IQCF1: variants seen among roughly 807,000 people sequenced by gnomAD.
IQCF1 encodes IQ motif containing F1.
IQCF1 carries 9 observed loss-of-function variants against 12.5 expected under a neutral mutation model. The ratio of observed to expected loss-of-function variants is 0.72; its 90% CI spans 0.43 to 1.26. The LOEUF is 1.26. Among genes scored for constraint, IQCF1 ranks in the 50% most tolerant of loss-of-function variants. IQCF1 has a pLI of 0.00. For synonymous variants in IQCF1, 67 were observed against 96.2 expected (o/e 0.70, Z 1.78); for missense variants, 252 against 257.4 (o/e 0.98, Z 0.14).
chr3:51,902,138 T>C (rs1012935928), intron 2 of IQCF1, among the ~76,000 whole-genome samples: 23 of 152,214 alleles, frequency 1.5e-4, no homozygotes, highest in Admixed American at 5.9e-4. Flanking sequence ...CAATTCTCAC[T>C]TCCCTGGCAG....
chr3:51,897,987 A>G (rs1699031332), intron 2 of IQCF1, among the ~76,000 whole-genome samples: 1 of 152,186 alleles, frequency 6.6e-6, no homozygotes, highest in African/African-American at 2.4e-5. Context: ...CCTTCTACAA[A>G]TTTCAGGGGG....
chr3:51,899,157 A>C (rs1008259106), intron 2 of IQCF1, among the ~76,000 whole-genome samples: 2 of 151,952 alleles, frequency 1.3e-5, no homozygotes, highest in African/African-American at 4.8e-5. Context: ...GCATGAAGGA[A>C]GTTCACATTG....
At chr3:51,902,916 A>G (rs992496799) in intron 2 of IQCF1, 69 bp downstream of exon 2, 10 of 1,150,224 alleles carry the variant, frequency 8.7e-6, no homozygotes, top group African/African-American at 3.0e-5. Flanking sequence ...TAACAGCACC[A>G]TGCAAAAGAC....
In IQCF1 at chr3:51,895,008, C is replaced by G. The variant is rs1031585717; in HGVS notation, c.500G>C (p.Gly167Ala). Residue 167 changes from glycine to alanine, a missense_variant, in exon 4 of 4, where the codon GGG (glycine) becomes GCG (alanine). Transcript: ENST00000310914. This position sits in a 1 kb window ranked among gnomAD's most constrained non-coding sequence, Gnocchi z 4.8. Reference sequence around the variant, plus strand: ...GACTCTGTACTGGCCCTTGATGAACCCCCGGGAAGCACAGGAGCGGCACCT... The same window carrying G: ...GACTCTGTACTGGCCCTTGATGAACGCCCGGGAAGCACAGGAGCGGCACCT... ...YWRCRSCASR[G>A]FIKGQYRVTA... 1.2e-6 allele frequency: 2 copies of G among 1,614,192 alleles called. No individual in the cohort carries two copies. The highest frequency in any genetic ancestry group is 1.7e-6 in the Non-Finnish European group (2 of 1,180,038).
In IQCF1 at chr3:51,903,293, G is replaced by A. The variant is rs754139239; in HGVS notation, c.-21C>T. On this transcript the variant is annotated 5_prime_UTR_variant, in exon 1 of 4. Transcript: ENST00000310914. ...ACCATTGGTCACATATGGATTGATT[G>A]TAGATGGTTCAAATCCCCTCACATC... The A allele has an allele frequency of 1.2e-6, 2 of 1,613,704 alleles. No individual in the cohort carries two copies. The highest frequency in any genetic ancestry group is 1.7e-5 in the Admixed American group (1 of 60,008).
Position 51,895,297 on chromosome 3 carries a change from C to T in IQCF1, c.211G>A (p.Val71Ile). 5 of 1,613,444 alleles carry T rather than the reference C, an allele frequency of 3.1e-6. No individual in the cohort carries two copies. Among genetic ancestry groups the T allele is most frequent in the South Asian group, 1.1e-5 (1 of 90,978 alleles). ...CACCAGGCCTGGATCTTGGTGGCTACCGTATCTTTGTCAGAGAGCTTCTTT... is the reference window on the plus strand; with the variant it reads ...CACCAGGCCTGGATCTTGGTGGCTATCGTATCTTTGTCAGAGAGCTTCTTT... Reference protein sequence around the residue: ...NQKKLSDKDTVATKIQAWWRG... With the variant: ...NQKKLSDKDTIATKIQAWWRG... Residue 71 changes from valine to isoleucine, a missense_variant, in exon 4 of 4, where the codon GTA becomes ATA. By Grantham distance (29) the Val-to-Ile change is conservative (BLOSUM62 3). Coordinates refer to ENST00000310914, the MANE Select transcript of IQCF1 (RefSeq NM_152397.3). This position sits in a 1 kb window ranked among gnomAD's most constrained non-coding sequence, Gnocchi z 4.8.
At position 51,895,272 on chromosome 3, in the gene IQCF1, C is replaced by A; in HGVS notation, c.236G>T (p.Trp79Leu). 6.2e-7 allele frequency: 1 copy of A among 1,614,174 alleles called. No homozygotes were observed. Among genetic ancestry groups the A allele is most frequent in the Non-Finnish European group, 8.5e-7 (1 of 1,180,038 alleles). The change falls in exon 4 of 4, where the codon TGG becomes TTG. Residue 79 changes from tryptophan to leucine, a missense_variant. By Grantham distance (61) the Trp-to-Leu change is moderately conservative (BLOSUM62 -2). Transcript: ENST00000310914. The surrounding 1 kb of genome is among the most constrained non-coding windows in gnomAD (Gnocchi z 4.8). ...DTVATKIQAW[W>L]RGTLVRRALL... The stretch of plus-strand genomic sequence containing the variant: ...TGCCCGACGCACCAGGGTGCCCCGC[C>A]ACCAGGCCTGGATCTTGGTGGCTAC...
Position 51,896,701 on chromosome 3 carries a change from A to G in IQCF1, c.171+131T>C, listed in dbSNP as rs1699007432. 2.8e-5 allele frequency: 20 copies of G among 722,896 alleles called. 1 individual carries two copies. In the South Asian group the frequency reaches 3.0e-4, roughly 11 times the overall value. The allele number at this position is 722,896 out of a possible 1,614,324, so 44.8% of individuals were successfully genotyped here. ...CACAAGCTCAAACACGCGCGCACAC[A>G]CACACACACACGCACACACACACAC... is the stretch of plus-strand genomic sequence containing the variant. On this transcript the variant is annotated intron_variant, in intron 3 of 3. Coordinates refer to ENST00000310914, the MANE Select transcript of IQCF1 (RefSeq NM_152397.3).
At chr3:51,902,698 A>G (rs1229287598) in intron 2 of IQCF1, 2 of 387,204 alleles carry the variant, frequency 5.2e-6, no homozygotes, top group African/African-American at 4.2e-5. Context: ...GTGTGGTCTA[A>G]CCCTAGCCAA....
Position 51,900,117 on chromosome 3 carries a change from G to A in IQCF1, c.108+2868C>T, listed in dbSNP as rs138600987. Among the ~76,000 whole-genome samples the A allele has an allele frequency of 2.4e-3, 360 of 151,990 alleles. 1 individual carries two copies. The highest frequency in any genetic ancestry group is 7.7e-3 in the African/African-American group (319 of 41,420). Reference sequence around the variant, plus strand: ...CACAGGTACCACCCCTAGAATTTCCGGTAAACCAGCACCAGCCTGAAGATC... The same window carrying A: ...CACAGGTACCACCCCTAGAATTTCCAGTAAACCAGCACCAGCCTGAAGATC... On this transcript the variant is annotated intron_variant, in intron 2 of 3. Coordinates refer to ENST00000310914, the MANE Select transcript of IQCF1 (RefSeq NM_152397.3). This position sits in a 1 kb window ranked among gnomAD's most constrained non-coding sequence, Gnocchi z 4.2.
At chr3:51,901,196 T>C (rs946739147) in intron 2 of IQCF1, among the ~76,000 whole-genome samples, 2 of 152,208 alleles carry the variant, frequency 1.3e-5, no homozygotes, top group African/African-American at 2.4e-5. Flanking sequence ...CCCTTTCCAC[T>C]AGGGTGGTCC....
rs111300877 is a variant in IQCF1 at position 51,899,299 on chromosome 3, A to G, written c.109-2405T>C. ...TTGTTTAAAGAAAGGGGTGTTTGCA[A>G]CAAGTCAGAAAATTGAGGCATGTTG... On this transcript the variant is annotated intron_variant, in intron 2 of 3. Coordinates refer to ENST00000310914, the MANE Select transcript of IQCF1 (RefSeq NM_152397.3). 5.6e-4 allele frequency among the ~76,000 whole-genome samples: 85 copies of G among 152,374 alleles called. 1 individual carries two copies. Among genetic ancestry groups the G allele is most frequent in the African/African-American group, 1.9e-3 (79 of 41,586 alleles).
intron 3 of IQCF1, 27 bp downstream of exon 3, chr3:51,896,805 A>G: frequency 6.4e-7 from 1 of 1,568,266 alleles, no homozygotes; most frequent in Non-Finnish European, 8.8e-7. Flanking sequence ...CCCCAGCCCC[A>G]GCCCTGTGTG....
chr3:51,902,360 G>C (rs1185194899), intron 2 of IQCF1, among the ~76,000 whole-genome samples: 4 of 152,204 alleles, frequency 2.6e-5, no homozygotes, highest in Non-Finnish European at 5.9e-5. Context: ...GTAAGGAAAT[G>C]CAAGAGGAGA....
At chr3:51,898,638 T>C (rs1352151087) in intron 2 of IQCF1, among the ~76,000 whole-genome samples, 1 of 148,624 alleles carries the variant, frequency 6.7e-6, no homozygotes, top group Non-Finnish European at 1.5e-5. Flanking sequence ...AGCAAAAAGG[T>C]AGCTTACTGA....
At chr3:51,896,648 A>C (rs1699006427) in intron 3 of IQCF1, among the ~76,000 whole-genome samples, 184 bp downstream of exon 3, 1 of 151,878 alleles carries the variant, frequency 6.6e-6, no homozygotes, top group African/African-American at 2.4e-5. Flanking sequence ...TCACATTTTA[A>C]ATCTTAATTT....
At position 51,896,822 on chromosome 3, in the gene IQCF1, G is replaced by A. The variant is rs185472752; in HGVS notation, c.171+10C>T. The A allele has an allele frequency of 3.3e-5, 53 of 1,605,164 alleles. No individual in the cohort carries two copies. In the East Asian group the frequency reaches 8.9e-4, roughly 27 times the overall value. On this transcript the variant is annotated intron_variant, in intron 3 of 3. Transcript: ENST00000310914. ...CCAGCCCCAGCCCTGTGTGGTTTGG[G>A]AGGTCATACTTTTTCTGATTTCTCA... is the stretch of plus-strand genomic sequence containing the variant.
chr3:51,896,796 C>G (rs1699009624), intron 3 of IQCF1, 36 bp downstream of exon 3: 1 of 1,527,572 alleles, frequency 6.5e-7, no homozygotes, highest in Non-Finnish European at 9.1e-7. Flanking sequence ...CCCCCACATC[C>G]CCAGCCCCAG....
In IQCF1 at chr3:51,902,979, T is replaced by A. The variant is rs1160428529; in HGVS notation, c.108+6A>T. ...TCAATGACATCCAAGTCAGGGCTCC[T>A]CCTACCTCTGCCTTTGACTCTGCTC... On this transcript the variant is annotated splice_donor_region_variant and intron_variant, in intron 2 of 3. Coordinates refer to ENST00000310914, the MANE Select transcript of IQCF1 (RefSeq NM_152397.3). The A allele has an allele frequency of 4.4e-6, 7 of 1,607,294 alleles. No homozygotes were observed. Among genetic ancestry groups the A allele is most frequent in the African/African-American group, 1.3e-5 (1 of 74,776 alleles).
Sources: gnomAD v4.1 joint callset for allele counts (sites outside exome capture counted in the v4.1 genomes callset) on GRCh38, gnomAD v4.1.1 for gene constraint, Gnocchi (gnomAD v3.1) non-coding constraint, MANE v1.5 for transcripts, NCBI Gene and HGNC (gene_info 2026-07-23, HGNC 2026-07-21) for gene names.